The following MPRIP variants were observed in gnomAD, a reference collection of about 807,000 sequenced individuals.
MPRIP encodes myosin phosphatase Rho interacting protein, also known as myosin phosphatase Rho-interacting protein.
Under a neutral mutation model 234.9 loss-of-function variants are expected in MPRIP, and 59 were observed. The observed-to-expected ratio is 0.25, with a 90% CI of 0.20 to 0.31. MPRIP has a LOEUF of 0.31. Among genes scored for constraint, MPRIP ranks in the 10% least tolerant of loss-of-function variants. The probability of loss-of-function intolerance (pLI) is 1.00; values close to 1 mark genes in which losing one functional copy is unlikely to be tolerated. For missense variants in MPRIP, 2,436 were observed against 3,071.0 expected (o/e 0.79, Z 4.89); for synonymous variants, 1,144 against 1,263.9 (o/e 0.91, Z 2.01).
chr17:17,147,307 C>T lies in MPRIP; in HGVS notation c.1561-12C>T. The T allele has an allele frequency of 6.2e-7, 1 of 1,613,750 alleles. No homozygotes were observed. Among genetic ancestry groups the T allele is most frequent in the Non-Finnish European group, 8.5e-7 (1 of 1,179,716 alleles). ...TTGGTAGTCGAGTCATTTTTCTTTT[C>T]TTCCCCTTTAGTGGAAGAAACACTG... On this transcript the variant is annotated splice_polypyrimidine_tract_variant and intron_variant, in intron 10 of 23. Transcript: ENST00000651222.
Position 17,066,111 on chromosome 17 carries a change from C to G in MPRIP, c.124-9599C>G, listed in dbSNP as rs954578438. 3.3e-5 allele frequency among the ~76,000 whole-genome samples: 5 copies of G among 152,280 alleles called. No individual in the cohort carries two copies. The South Asian group carries it at 1.0e-3, about 32-fold the overall frequency. On this transcript the variant is annotated intron_variant, in intron 1 of 23. Coordinates refer to ENST00000651222, the MANE Select transcript of MPRIP (RefSeq NM_001364716.4). ...AATATTTTATTTTGTCAGTTTTGAT[C>G]TATATGCCTTTTATTTCCTTTTCCT...
chr17:17,171,754 A>G lies in MPRIP; in HGVS notation c.6361A>G (p.Thr2121Ala). ...GCGAGGGTTTGCAGCAATGGAAGAA[A>G]CGCACCAGAAGAAGATTGAAGATCT... ...CERGFAAMEETHQKKIEDLQR... is the reference protein window; with the variant it reads ...CERGFAAMEEAHQKKIEDLQR... Residue 2121 changes from threonine to alanine, a missense_variant, in exon 17 of 24, where the codon ACG (threonine) becomes GCG (alanine). By Grantham distance (58) the Thr-to-Ala change is moderately conservative. This residue lies in a region of MPRIP where 1,998 missense variants were observed against 2,520.3 expected (regional missense o/e 0.79). Transcript: ENST00000651222. 6.2e-7 allele frequency: 1 copy of G among 1,613,600 alleles called. No individual in the cohort carries two copies. The highest frequency in any genetic ancestry group is 1.3e-5 in the African/African-American group (1 of 75,046).
intron 7 of MPRIP, chr17:17,142,361 T>C (rs1597878039): frequency 5.3e-6 from 2 of 378,420 alleles, no homozygotes; most frequent in Middle Eastern, 7.6e-4. Context: ...GCTGTGTGAA[T>C]GCCGAGTGGG....
chr17:17,116,863 AG>A (rs1448898860), intron 3 of MPRIP, among the ~76,000 whole-genome samples: 1 of 152,242 alleles, frequency 6.6e-6, no homozygotes. Context: ...GGTGCTCCCC[AG>A]GGCCCCAAGG....
intron 15 of MPRIP, among the ~76,000 whole-genome samples, chr17:17,162,092 T>C (rs959026244): frequency 3.9e-5 from 6 of 152,198 alleles, no homozygotes; most frequent in African/African-American, 7.2e-5. Flanking sequence ...GATTGATATA[T>C]AAATACTGCA....
intron 12 of MPRIP, among the ~76,000 whole-genome samples, chr17:17,151,885 G>A (rs1190934716): frequency 6.6e-6 from 1 of 152,242 alleles, no homozygotes; most frequent in Non-Finnish European, 1.5e-5. Flanking sequence ...CTGGGACTTG[G>A]TTCTCACACA....
In MPRIP at chr17:17,110,819, C is replaced by T. The variant is rs976381166; in HGVS notation, c.268-15883C>T. Among the ~76,000 whole-genome samples the T allele has an allele frequency of 3.2e-4, 49 of 152,308 alleles. 1 individual carries two copies. Among genetic ancestry groups the T allele is most frequent in the Non-Finnish European group, 6.8e-4 (46 of 68,016 alleles). On this transcript the variant is annotated intron_variant, in intron 3 of 23. Transcript: ENST00000651222. ...TCAAAACCATCAAGGTCACCCAAAA[C>T]ACAGAAGGTCTGAGAAACTGTTGCA... is the stretch of plus-strand genomic sequence containing the variant.
At chr17:17,049,161 G>A (rs1325374759) in intron 1 of MPRIP, among the ~76,000 whole-genome samples, 2 of 152,182 alleles carry the variant, frequency 1.3e-5, no homozygotes, top group African/African-American at 2.4e-5. Context: ...AAAGCAGATC[G>A]GTTGTTGCCA....
intron 14 of MPRIP, 151 bp downstream of exon 14, chr17:17,159,153 C>G: frequency 1.3e-6 from 1 of 795,004 alleles, no homozygotes; most frequent in East Asian, 2.7e-5. Flanking sequence ...TAGATGAGTC[C>G]TCATAGTTGA....
chr17:17,097,972 G>C (rs1251013516), intron 3 of MPRIP, among the ~76,000 whole-genome samples: 1 of 152,144 alleles, frequency 6.6e-6, no homozygotes, highest in Non-Finnish European at 1.5e-5. Flanking sequence ...TCTTATTTTA[G>C]ATCCTGTGTC....
At chr17:17,168,266 T>C in intron 16 of MPRIP, 1 of 278,092 alleles carries the variant, frequency 3.6e-6, no homozygotes, top group Non-Finnish European at 7.0e-6. Context: ...TTCCTGCCCC[T>C]GCCCCGGGAA....
intron 1 of MPRIP, among the ~76,000 whole-genome samples, chr17:17,060,628 C>G (rs1377014014): frequency 6.6e-6 from 1 of 152,216 alleles, no homozygotes; most frequent in Admixed American, 6.5e-5. Context: ...GAGTGCAGAC[C>G]TGCCCTCGTG....
rs536914914 is a variant in MPRIP, at chr17:17,112,854, C to G, written c.268-13848C>G. Among the ~76,000 whole-genome samples, 19 of 152,338 alleles carry G rather than the reference C, an allele frequency of 1.2e-4. No individual in the cohort carries two copies. In the South Asian group the frequency reaches 3.9e-3, roughly 32 times the overall value. ...TGCGTTCCATCCCCACTGAGTAGCA[C>G]GCGGGCCTTGGGAGAGGCTAGGCAT... On this transcript the variant is annotated intron_variant, in intron 3 of 23. Transcript: ENST00000651222.
At chr17:17,092,736 C>G (rs10852843) in intron 3 of MPRIP, among the ~76,000 whole-genome samples, 12,561 of 152,122 alleles carry the variant, frequency 0.083, 734 homozygotes, top group East Asian at 0.17. Flanking sequence ...CCCTTGTTCT[C>G]TATCTCTCTC....
chr17:17,165,254 T>G lies in MPRIP; in HGVS notation c.3663T>G (p.Ser1221Arg), dbSNP rs538185673. ...AAGAGATTTTAAGGAAATTTGCAAG[T>G]GAATCTCCAAAGGACATGGAAGAGC... ...AKEEILRKFA[S>R]ESPKDMEEPR... Residue 1221 changes from serine (S) to arginine (R), a missense_variant, in exon 16 of 24, where the codon AGT becomes AGG. Ser to Arg is a moderately radical substitution (Grantham distance 110). Around this residue, in one of 4 missense-constraint regions of MPRIP, gnomAD observed 1,998 missense variants for 2,520.3 expected, o/e 0.79. Transcript: ENST00000651222. The G allele has an allele frequency of 3.1e-6, 4 of 1,304,002 alleles. No homozygotes were observed. In the South Asian group the frequency reaches 3.7e-5, roughly 12 times the overall value. The allele number at this position is 1,304,002 out of a possible 1,614,324, so 80.8% of individuals were successfully genotyped here. A position where few individuals can be genotyped will look rare whatever the true frequency, so the allele number is the denominator to read the frequency against.
intron 3 of MPRIP, among the ~76,000 whole-genome samples, chr17:17,100,627 A>G (rs1215585794): frequency 6.6e-6 from 1 of 152,018 alleles, no homozygotes; most frequent in Admixed American, 6.6e-5. Flanking sequence ...TGAACTGCAC[A>G]TGCAAGGGGT....
intron 3 of MPRIP, among the ~76,000 whole-genome samples, chr17:17,101,226 G>T (rs989238198): frequency 6.6e-6 from 1 of 152,154 alleles, no homozygotes; most frequent in South Asian, 2.1e-4. Context: ...CTGCCAACTG[G>T]TTAAGAAGCA....
chr17:17,066,209 T>G (rs960344266), intron 1 of MPRIP, among the ~76,000 whole-genome samples: 1 of 152,260 alleles, frequency 6.6e-6, no homozygotes, highest in African/African-American at 2.4e-5. Flanking sequence ...ATTGCCTAGT[T>G]CCTGATATTA....
chr17:17,042,844 C>T lies in MPRIP; in HGVS notation c.-5C>T. ...GCCGCCGCCGCCGTCGCCGCCGCGC[C>T]GACCATGTCGGCAGCCAAGGAGAAC... On this transcript the variant is annotated 5_prime_UTR_variant, in exon 1 of 24. Transcript: ENST00000651222. The T allele has an allele frequency of 1.3e-6, 2 of 1,532,050 alleles. No homozygotes were observed. Among genetic ancestry groups the T allele is most frequent in the Non-Finnish European group, 8.8e-7 (1 of 1,138,668 alleles). 94.9% of individuals were successfully genotyped at this position (1,532,050 alleles called of 1,614,324 possible). A position where few individuals can be genotyped will look rare whatever the true frequency, so the allele number is the denominator to read the frequency against.
Sources: allele counts gnomAD v4.1 joint callset (sites outside exome capture counted in the v4.1 genomes callset), GRCh38; gene constraint gnomAD v4.1.1; regional missense constraint gnomAD v4.1.1; transcripts MANE v1.5; gene names NCBI Gene and HGNC (gene_info 2026-07-23, HGNC 2026-07-21).